CSMD1: variants seen among roughly 807,000 people sequenced by gnomAD.
CSMD1 encodes CUB and sushi domain-containing protein 1.
CSMD1 carries 213 observed loss-of-function variants against 417.5 expected under a neutral mutation model. That is an observed-to-expected ratio of 0.51 (90% CI 0.46 to 0.57). The LOEUF is 0.57. Ranked by LOEUF, CSMD1 falls within the 20% of genes least tolerant of loss-of-function variation. The pLI is 0.00. For missense variants in CSMD1, 6,923 were observed against 4,529.7 expected, an observed-to-expected ratio of 1.53 and a Z score of -15.17; for synonymous variants, 2,862 against 1,736.8, an observed-to-expected ratio of 1.65 and a Z score of -16.11.
chr8:3,649,938 A>G (rs1043749320), intron 7 of CSMD1, among the ~76,000 whole-genome samples: 2 of 129,742 alleles, frequency 1.5e-5, no homozygotes, highest in African/African-American at 2.7e-5. Context: ...AAAATTACAT[A>G]TTCTTATTTT....
intron 42 of CSMD1, among the ~76,000 whole-genome samples, chr8:3,115,733 T>C (rs1458774962): frequency 1.3e-5 from 2 of 152,226 alleles, no homozygotes; most frequent in Non-Finnish European, 2.9e-5. Context: ...AGTATATAAA[T>C]ACAAATTGAT....
intron 1 of CSMD1, among the ~76,000 whole-genome samples, chr8:4,656,337 G>A (rs188792654): frequency 3.3e-5 from 5 of 152,014 alleles, no homozygotes; most frequent in Non-Finnish European, 7.4e-5. Flanking sequence ...GGTAGAGAAG[G>A]TCAGACCAGG....
At chr8:3,957,562 T>C (rs1167091619) in intron 5 of CSMD1, among the ~76,000 whole-genome samples, 1 of 152,062 alleles carries the variant, frequency 6.6e-6, no homozygotes, top group Admixed American at 6.6e-5. Context: ...GGCATACTTG[T>C]AGTCCCAGCT....
At chr8:3,354,029 A>C (rs918969239) in intron 21 of CSMD1, among the ~76,000 whole-genome samples, 1 of 152,340 alleles carries the variant, frequency 6.6e-6, no homozygotes. Flanking sequence ...CGTGGAGGCT[A>C]GGAAGCCCCA....
chr8:3,221,759 A>G (rs552654763), intron 28 of CSMD1, among the ~76,000 whole-genome samples: 5 of 152,094 alleles, frequency 3.3e-5, no homozygotes, highest in Admixed American at 6.5e-5. Context: ...TTGAGCCCCA[A>G]TGTGTGAGCC....
At chr8:4,156,286 G>T (rs1584924936) in intron 3 of CSMD1, among the ~76,000 whole-genome samples, 1 of 152,100 alleles carries the variant, frequency 6.6e-6, no homozygotes, top group Non-Finnish European at 1.5e-5. Flanking sequence ...TGATGGGGTT[G>T]AAAATGCTTT....
At chr8:4,290,293 C>T (rs907436117) in intron 3 of CSMD1, among the ~76,000 whole-genome samples, 1 of 152,052 alleles carries the variant, frequency 6.6e-6, no homozygotes, top group African/African-American at 2.4e-5. Flanking sequence ...TCACATATGT[C>T]TACAGATGTG....
intron 3 of CSMD1, among the ~76,000 whole-genome samples, chr8:4,291,398 A>T (rs916114372): frequency 1.3e-5 from 2 of 152,148 alleles, no homozygotes; most frequent in African/African-American, 4.8e-5. Context: ...ATGTAAAGTA[A>T]ATCTCCATAA....
intron 1 of CSMD1, among the ~76,000 whole-genome samples, chr8:4,723,679 T>G (rs563216256): frequency 5.2e-4 from 79 of 152,054 alleles, no homozygotes; most frequent in South Asian, 4.1e-4. Flanking sequence ...TTACCACATT[T>G]TTGTTGAATT....
intron 7 of CSMD1, among the ~76,000 whole-genome samples, chr8:3,668,646 C>G (rs545380550): frequency 6.6e-6 from 1 of 151,938 alleles, no homozygotes; most frequent in African/African-American, 2.4e-5. Flanking sequence ...ACAGAGTGTG[C>G]AATATAGAAG....
At position 3,772,348 on chromosome 8, in the gene CSMD1, C is replaced by T. The variant is rs993937738; in HGVS notation, c.819-18306G>A. On this transcript the variant is annotated intron_variant, in intron 5 of 69. Coordinates refer to ENST00000635120, the MANE Select transcript of CSMD1 (RefSeq NM_033225.6). The stretch of plus-strand genomic sequence containing the variant: ...ACATATATTTAGACATACATATATA[C>T]ATATATTTATATATACATATATACA... Among the ~76,000 whole-genome samples, 51 of 139,546 alleles carry T rather than the reference C, an allele frequency of 3.7e-4. 11 individuals are homozygous for T. The highest frequency in any genetic ancestry group is 1.4e-3 in the African/African-American group (51 of 36,100). 91.5% of individuals were successfully genotyped at this position (139,546 alleles called of 152,430 possible).
At chr8:4,119,003 A>C (rs1802321172) in intron 3 of CSMD1, among the ~76,000 whole-genome samples, 1 of 152,174 alleles carries the variant, frequency 6.6e-6, no homozygotes, top group Non-Finnish European at 1.5e-5. Flanking sequence ...GGCAAACCAA[A>C]CACCACATGT....
chr8:4,178,343 C>A (rs1584965766), intron 3 of CSMD1, among the ~76,000 whole-genome samples: 1 of 151,040 alleles, frequency 6.6e-6, no homozygotes, highest in Non-Finnish European at 1.5e-5. Flanking sequence ...ATGATTATCT[C>A]AATAGATGCA....
At chr8:4,883,902 C>T (rs879269716) in intron 1 of CSMD1, among the ~76,000 whole-genome samples, 21 of 152,096 alleles carry the variant, frequency 1.4e-4, no homozygotes, top group Non-Finnish European at 2.4e-4. Context: ...TTTTGAGGAA[C>T]TGCCAGACTG....
chr8:4,968,294 G>A (rs1810011992), intron 1 of CSMD1, among the ~76,000 whole-genome samples: 1 of 151,916 alleles, frequency 6.6e-6, no homozygotes, highest in African/African-American at 2.4e-5. Flanking sequence ...CCAGTTATAA[G>A]TGTACAATTC....
chr8:3,206,697 G>T lies in CSMD1; in HGVS notation c.4868-1077C>A, dbSNP rs897294791. Among the ~76,000 whole-genome samples, 77 of 136,680 alleles carry T rather than the reference G, an allele frequency of 5.6e-4. 1 individual carries two copies. The highest frequency in any genetic ancestry group is 2.0e-3 in the African/African-American group (74 of 37,108). 89.7% of individuals were successfully genotyped at this position (136,680 alleles called of 152,430 possible). A position where few individuals can be genotyped will look rare whatever the true frequency, so the allele number is the denominator to read the frequency against. On this transcript the variant is annotated intron_variant, in intron 30 of 69. Coordinates refer to ENST00000635120, the MANE Select transcript of CSMD1 (RefSeq NM_033225.6). The stretch of plus-strand genomic sequence containing the variant: ...GTGTGTGTGTGTATATGTGTGTGTG[G>T]GGGGTTATGTCTGTGTGAATGTGTG...
At chr8:3,285,348 G>C (rs1014004079) in intron 25 of CSMD1, among the ~76,000 whole-genome samples, 1 of 151,626 alleles carries the variant, frequency 6.6e-6, no homozygotes, top group Non-Finnish European at 1.5e-5. Context: ...GCAGATAGTA[G>C]ATCTTTATTT....
intron 2 of CSMD1, among the ~76,000 whole-genome samples, chr8:4,426,926 A>G (rs1797592887): frequency 1.3e-5 from 2 of 151,914 alleles, no homozygotes; most frequent in South Asian, 2.1e-4. Flanking sequence ...TTTATATAGA[A>G]GAGAAATTAT....
intron 6 of CSMD1, among the ~76,000 whole-genome samples, chr8:3,744,665 C>T (rs879930594): frequency 2.0e-5 from 3 of 152,124 alleles, no homozygotes; most frequent in East Asian, 1.9e-4. Context: ...TATTTACAAG[C>T]GATGCCTACA....
Sources: allele counts gnomAD v4.1 joint callset (sites outside exome capture counted in the v4.1 genomes callset), GRCh38; gene constraint gnomAD v4.1.1; transcripts MANE v1.5; gene names NCBI Gene and HGNC (gene_info 2026-07-23, HGNC 2026-07-21).